The following DES variants were observed in gnomAD, a reference collection of about 807,000 sequenced individuals.
DES encodes cardiomyopathy, dilated 1F (autosomal dominant).
Under a neutral mutation model 55.1 loss-of-function variants are expected in DES, and 34 were observed. The observed-to-expected ratio is 0.62, with a 90% CI of 0.47 to 0.82. The LOEUF (loss-of-function observed/expected upper bound fraction) is 0.82, where lower values mean the gene tolerates loss of function less well. Among genes scored for constraint, DES ranks in the 40% least tolerant of loss-of-function variants. The probability of loss-of-function intolerance (pLI) is 0.00; values close to 1 mark genes in which losing one functional copy is unlikely to be tolerated. For missense variants in DES, 596 were observed against 645.9 expected (o/e 0.92, Z 0.84); for synonymous variants, 259 against 270.8 (o/e 0.96, Z 0.43).
rs1478052720 is a variant in DES, at chr2:219,418,726, G to C, written c.264G>C (p.Leu88=). ...RTPSSYGAGE[L]LDFSLADAVN... is the part of the protein sequence containing the mutation. Reference sequence around the variant, plus strand: ...CCTCCTCCTACGGCGCAGGCGAGCTGCTGGACTTCTCACTGGCCGACGCGG... The same window carrying C: ...CCTCCTCCTACGGCGCAGGCGAGCTCCTGGACTTCTCACTGGCCGACGCGG... The change falls in exon 1 of 9, where the codon CTG becomes CTC. Residue 88 remains leucine (L), a synonymous_variant. Transcript: ENST00000373960. 6.4e-7 allele frequency: 1 copy of C among 1,563,028 alleles called. No homozygotes were observed. The highest frequency in any genetic ancestry group is 1.9e-5 in the Admixed American group (1 of 51,880).
chr2:219,420,335 G>A lies in DES; in HGVS notation c.724G>A (p.Val242Met), dbSNP rs1222934023. The A allele has an allele frequency of 6.2e-7, 1 of 1,614,078 alleles. No individual in the cohort carries two copies. Among genetic ancestry groups the A allele is most frequent in the Non-Finnish European group, 8.5e-7 (1 of 1,180,040 alleles). ...CGAGGAGATCGCGTTCCTTAAGAAA[G>A]TGCATGAAGAGGTATACCTTGGCCC... ...LNEEIAFLKK[V>M]HEEEIRELQA... Residue 242 changes from valine to methionine, a missense_variant, in exon 3 of 9, where the codon GTG (valine) becomes ATG (methionine). Transcript: ENST00000373960. This position sits in a 1 kb window ranked among gnomAD's most constrained non-coding sequence, Gnocchi z 6.0.
In DES at chr2:219,420,361, C is replaced by G. The variant is rs772209367; in HGVS notation, c.735+15C>G. On this transcript the variant is annotated intron_variant, in intron 3 of 8. Transcript: ENST00000373960. This position sits in a 1 kb window ranked among gnomAD's most constrained non-coding sequence, Gnocchi z 6.0. ...TGCATGAAGAGGTATACCTTGGCCC[C>G]TCTTCCTGGGGTCACTGGGCCATGG... 1.2e-6 allele frequency: 2 copies of G among 1,613,680 alleles called. No individual in the cohort carries two copies. Among genetic ancestry groups the G allele is most frequent in the South Asian group, 2.2e-5 (2 of 91,048 alleles).
chr2:219,420,320 G>T lies in DES; in HGVS notation c.709G>T (p.Ala237Ser), dbSNP rs397516697. 2.5e-6 allele frequency: 4 copies of T among 1,614,014 alleles called. No homozygotes were observed. In the African/African-American group the frequency reaches 5.3e-5, roughly 22 times the overall value. The change falls in exon 3 of 9, where the codon GCG (alanine) becomes TCG (serine). Residue 237 changes from alanine (A) to serine (S), a missense_variant. Transcript: ENST00000373960. The surrounding 1 kb of genome is among the most constrained non-coding windows in gnomAD (Gnocchi z 6.0). ...RRIESLNEEI[A>S]FLKKVHEEEI... is the part of the protein sequence containing the mutation. Reference sequence around the variant, plus strand: ...AATTGAATCTCTCAACGAGGAGATCGCGTTCCTTAAGAAAGTGCATGAAGA... The same window carrying T: ...AATTGAATCTCTCAACGAGGAGATCTCGTTCCTTAAGAAAGTGCATGAAGA...
intron 5 of DES, 107 bp downstream of exon 5, chr2:219,421,060 C>T: frequency 6.8e-7 from 1 of 1,471,422 alleles, no homozygotes; most frequent in South Asian, 1.2e-5. Flanking sequence ...CCTTCATCTA[C>T]TTAAATCTAC....
rs1168526131 is a variant in DES, at chr2:219,420,195, TG to T, written c.639+41del. ...TTTCCCCTTGCATGGCCTCTGGCCTTGCTCTGCCCCACCTGGGTGGCGGTGA... is the reference window on the plus strand; with the variant it reads ...TTTCCCCTTGCATGGCCTCTGGCCTTCTCTGCCCCACCTGGGTGGCGGTGA... On this transcript the variant is annotated intron_variant, in intron 2 of 8. Transcript: ENST00000373960. The surrounding 1 kb of genome is among the most constrained non-coding windows in gnomAD (Gnocchi z 6.0). The T allele has an allele frequency of 1.2e-6, 2 of 1,614,092 alleles. No homozygotes were observed. Among genetic ancestry groups the T allele is most frequent in the Non-Finnish European group, 1.7e-6 (2 of 1,180,018 alleles).
Position 219,421,456 on chromosome 2 carries a change from G to C in DES, c.1140G>C (p.Glu380Asp), listed in dbSNP as rs1283089074. ...AGGAAATCCGGCACCTCAAGGATGA[G>C]ATGGCCCGCCATCTGCGCGAGTACC... ...LEEEIRHLKD[E>D]MARHLREYQD... Residue 380 changes from glutamate to aspartate, a missense_variant, in exon 6 of 9, where the codon GAG becomes GAC. Coordinates refer to ENST00000373960, the MANE Select transcript of DES (RefSeq NM_001927.4). The C allele has an allele frequency of 6.2e-7, 1 of 1,614,054 alleles. No homozygotes were observed. Among genetic ancestry groups the C allele is most frequent in the South Asian group, 1.1e-5 (1 of 91,072 alleles).
chr2:219,421,228 G>T (rs1954434756), intron 5 of DES, 112 bp from the exon 6 acceptor site: 1 of 1,203,274 alleles, frequency 8.3e-7, no homozygotes, highest in African/African-American at 1.5e-5. Flanking sequence ...TGAGTTCAGG[G>T]TTCAACATGG....
At position 219,421,371 on chromosome 2, in the gene DES, T is replaced by C. The variant is rs775085773; in HGVS notation, c.1055T>C (p.Leu352Ser). Residue 352 changes from leucine to serine, a missense_variant, in exon 6 of 9, where the codon TTG (leucine) becomes TCG (serine). Coordinates refer to ENST00000373960, the MANE Select transcript of DES (RefSeq NM_001927.4). The part of the protein sequence containing the change: ...NDSLMRQMRE[L>S]EDRFASEASG... The stretch of plus-strand genomic sequence containing the variant: ...TCCCTGATGAGGCAGATGCGGGAAT[T>C]GGAGGACCGATTTGCCAGTGAGGCC... 1.2e-6 allele frequency: 2 copies of C among 1,614,074 alleles called. No individual in the cohort carries two copies. Among genetic ancestry groups the C allele is most frequent in the Non-Finnish European group, 1.7e-6 (2 of 1,180,018 alleles).
intron 7 of DES, 89 bp downstream of exon 7, chr2:219,423,909 G>A: frequency 7.1e-7 from 1 of 1,405,936 alleles, no homozygotes; most frequent in Admixed American, 1.7e-5. Context: ...GAGGGAGGAT[G>A]GGACCCTGGG....
chr2:219,420,991 C>G lies in DES; in HGVS notation c.1023+38C>G, dbSNP rs1230637572. On this transcript the variant is annotated intron_variant, in intron 5 of 8. Transcript: ENST00000373960. The surrounding 1 kb of genome is among the most constrained non-coding windows in gnomAD (Gnocchi z 6.0). ...CCACCTGGCCAGGCCCTGCCCCTTC[C>G]TGTCTGCAGTTCACACCCTCACTTT... 6.2e-6 allele frequency: 10 copies of G among 1,605,474 alleles called. No homozygotes were observed. Among genetic ancestry groups the G allele is most frequent in the Non-Finnish European group, 7.6e-6 (9 of 1,176,818 alleles).
At position 219,420,639 on chromosome 2, in the gene DES, G is replaced by A. The variant is rs1277539211; in HGVS notation, c.880G>A (p.Glu294Lys). The stretch of plus-strand genomic sequence containing the variant: ...GGCTAAGAACATTTCTGAAGCTGAG[G>A]AGTGGTACAAGTCGAAGGTGGGTGG... ...IAAKNISEAE[E>K]WYKSKVSDLT... is the part of the protein sequence containing the mutation. Residue 294 changes from glutamate (E) to lysine (K), a missense_variant, in exon 4 of 9, where the codon GAG becomes AAG. By Grantham distance (56) the Glu-to-Lys change is moderately conservative. Coordinates refer to ENST00000373960, the MANE Select transcript of DES (RefSeq NM_001927.4). This position sits in a 1 kb window ranked among gnomAD's most constrained non-coding sequence, Gnocchi z 6.0. 1 of 1,614,110 alleles carries A rather than the reference G, an allele frequency of 6.2e-7. No homozygotes were observed. The highest frequency in any genetic ancestry group is 1.7e-5 in the Admixed American group (1 of 60,026).
At position 219,419,015 on chromosome 2, in the gene DES, G is replaced by A. The variant is rs1954383443; in HGVS notation, c.553G>A (p.Asp185Asn). Reference protein sequence around the residue: ...RVDVERDNLLDDLQRLKAKLQ... With the variant: ...RVDVERDNLLNDLQRLKAKLQ... ...CGACGTCGAGCGCGACAACCTGCTC[G>A]ACGACCTGCAGCGGCTCAAGGCCAA... The change falls in exon 1 of 9, where the codon GAC becomes AAC. Residue 185 changes from aspartate (D) to asparagine (N), a missense_variant. Physicochemically the swap from Asp to Asn is conservative, Grantham distance 23. Coordinates refer to ENST00000373960, the MANE Select transcript of DES (RefSeq NM_001927.4). The surrounding 1 kb of genome is among the most constrained non-coding windows in gnomAD (Gnocchi z 4.3). 1 of 1,545,396 alleles carries A rather than the reference G, an allele frequency of 6.5e-7. No individual in the cohort carries two copies. The highest frequency in any genetic ancestry group is 8.7e-7 in the Non-Finnish European group (1 of 1,147,398).
chr2:219,419,931 C>T lies in DES; in HGVS notation c.579-164C>T, dbSNP rs1954401788. On this transcript the variant is annotated intron_variant, in intron 1 of 8. Coordinates refer to ENST00000373960, the MANE Select transcript of DES (RefSeq NM_001927.4). This position sits in a 1 kb window ranked among gnomAD's most constrained non-coding sequence, Gnocchi z 4.3. ...GATTGGGCCACTTCCTGTGCCCTCC[C>T]TGGGTGGGTGGGGCCTCTCCACTCC... The T allele has an allele frequency of 1.4e-6, 1 of 732,190 alleles. No homozygotes were observed. The highest frequency in any genetic ancestry group is 2.0e-5 in the Admixed American group (1 of 49,164). The allele number at this position is 732,190 out of a possible 1,614,324, so 45.4% of individuals were successfully genotyped here. A position where few individuals can be genotyped will look rare whatever the true frequency, so the allele number is the denominator to read the frequency against.
Position 219,418,523 on chromosome 2 carries a change from G to A in DES, c.61G>A (p.Ala21Thr), listed in dbSNP as rs749447320. The change falls in exon 1 of 9, where the codon GCC (alanine) becomes ACC (threonine). Residue 21 changes from alanine to threonine, a missense_variant. Transcript: ENST00000373960. ...VSSYRRTFGG[A>T]PGFPLGSPLS... ...CTCCTACCGCCGCACCTTCGGCGGG[G>A]CCCCGGGCTTCCCACTCGGCTCCCC... 7 of 1,603,650 alleles carry A rather than the reference G, an allele frequency of 4.4e-6. No individual in the cohort carries two copies. In the South Asian group the frequency reaches 6.6e-5, roughly 15 times the overall value.
In DES at chr2:219,426,030, T is replaced by C; in HGVS notation, c.*40T>C. 1.9e-6 allele frequency: 3 copies of C among 1,610,482 alleles called. No individual in the cohort carries two copies. The highest frequency in any genetic ancestry group is 2.5e-6 in the Non-Finnish European group (3 of 1,177,076). Reference sequence around the variant, plus strand: ...TGCCACCAGAGACCGTCCTCACCCCTGTCCTCACTGCTCCCTGAAGCCAGC... The same window carrying C: ...TGCCACCAGAGACCGTCCTCACCCCCGTCCTCACTGCTCCCTGAAGCCAGC... On this transcript the variant is annotated 3_prime_UTR_variant, in exon 9 of 9. Coordinates refer to ENST00000373960, the MANE Select transcript of DES (RefSeq NM_001927.4). This position sits in a 1 kb window ranked among gnomAD's most constrained non-coding sequence, Gnocchi z 4.5.
In DES at chr2:219,420,776, C is replaced by A; in HGVS notation, c.898-52C>A. 1 of 1,613,564 alleles carries A rather than the reference C, an allele frequency of 6.2e-7. No individual in the cohort carries two copies. Among genetic ancestry groups the A allele is most frequent in the South Asian group, 1.1e-5 (1 of 91,040 alleles). ...AGGCTTCATGCTCCCTTGCTCATCC[C>A]TACCCGTGCCCTGCATCCTTCTCAT... On this transcript the variant is annotated intron_variant, in intron 4 of 8. Transcript: ENST00000373960. This position sits in a 1 kb window ranked among gnomAD's most constrained non-coding sequence, Gnocchi z 6.0.
Position 219,425,682 on chromosome 2 carries a change from G to A in DES, c.1308G>A (p.Arg436=). 1 of 1,587,084 alleles carries A rather than the reference G, an allele frequency of 6.3e-7. No homozygotes were observed. The highest frequency in any genetic ancestry group is 1.7e-4 in the Middle Eastern group (1 of 6,028). The change falls in exon 8 of 9, where the codon AGG becomes AGA. Residue 436 remains arginine, a synonymous_variant. Coordinates refer to ENST00000373960, the MANE Select transcript of DES (RefSeq NM_001927.4). ...TTACAGAAACCAGCCCTGAGCAAAGGGGTTCTGAGGTCCATACCAAGAAGA... is the reference window on the plus strand; with the variant it reads ...TTACAGAAACCAGCCCTGAGCAAAGAGGTTCTGAGGTCCATACCAAGAAGA... ...LNFRETSPEQ[R]GSEVHTKKTV... is the part of the protein sequence containing the mutation.
Position 219,426,721 on chromosome 2 carries a change from A to C in DES, c.*731A>C, listed in dbSNP as rs1289632352. On this transcript the variant is annotated 3_prime_UTR_variant, in exon 9 of 9. Coordinates refer to ENST00000373960, the MANE Select transcript of DES (RefSeq NM_001927.4). The surrounding 1 kb of genome is among the most constrained non-coding windows in gnomAD (Gnocchi z 4.5). ...GGGGCTCTGGAGAGAAACAATAAAG[A>C]GATTCACACACAAGCCAAGCTGGCC... is the stretch of plus-strand genomic sequence containing the variant. The C allele has an allele frequency of 6.5e-6, 1 of 153,852 alleles. No homozygotes were observed. The highest frequency in any genetic ancestry group is 1.4e-5 in the Non-Finnish European group (1 of 69,250). 9.5% of individuals were successfully genotyped at this position (153,852 alleles called of 1,614,324 possible).
chr2:219,418,584 G>A lies in DES; in HGVS notation c.122G>A (p.Gly41Asp). The A allele has an allele frequency of 1.9e-6, 3 of 1,604,980 alleles. No homozygotes were observed. Among genetic ancestry groups the A allele is most frequent in the Non-Finnish European group, 2.6e-6 (3 of 1,176,086 alleles). ...SSPVFPRAGF[G>D]SKGSSSSVTS... Reference sequence around the variant, plus strand: ...CCCGTGTTCCCGCGGGCGGGTTTCGGCTCTAAGGGCTCCTCCAGCTCGGTG... The same window carrying A: ...CCCGTGTTCCCGCGGGCGGGTTTCGACTCTAAGGGCTCCTCCAGCTCGGTG... The change falls in exon 1 of 9, where the codon GGC (glycine) becomes GAC (aspartate). Residue 41 changes from glycine (G) to aspartate (D), a missense_variant. Coordinates refer to ENST00000373960, the MANE Select transcript of DES (RefSeq NM_001927.4).
Sources: gnomAD v4.1 joint callset for allele counts on GRCh38, gnomAD v4.1.1 for gene constraint, Gnocchi (gnomAD v3.1) non-coding constraint, MANE v1.5 for transcripts, NCBI Gene and HGNC (gene_info 2026-07-23, HGNC 2026-07-21) for gene names.